The following SHPRH variants were observed in gnomAD, a reference collection of about 807,000 sequenced individuals.
The protein encoded by SHPRH is E3 ubiquitin-protein ligase SHPRH.
In SHPRH, 106 loss-of-function variants were observed where a neutral mutation model predicts 202.5. The ratio of observed to expected loss-of-function variants is 0.52; its 90% CI spans 0.45 to 0.62. SHPRH has a LOEUF of 0.62. Ranked by LOEUF, SHPRH falls within the 20% of genes least tolerant of loss-of-function variation. The pLI is 0.00. For synonymous variants in SHPRH, 729 were observed against 686.0 expected (o/e 1.06, Z -0.98); for missense variants, 1,710 against 2,020.0 (o/e 0.85, Z 2.94).
intron 29 of SHPRH, 69 bp from the exon 30 acceptor site, chr6:145,886,856 A>G (rs914140946): frequency 9.1e-5 from 139 of 1,524,334 alleles, no homozygotes; most frequent in Non-Finnish European, 1.2e-4. Context: ...ATTTGTAGTA[A>G]TACGAACTAG....
At chr6:145,927,066 AATC>A in intron 15 of SHPRH, 120 bp downstream of exon 15, 1 of 808,666 alleles carries the variant, frequency 1.2e-6, no homozygotes. Context: ...GAGAAGACTG[AATC>A]CCAAGTTTCA....
chr6:145,944,256 C>G (rs1328919858), intron 8 of SHPRH, among the ~76,000 whole-genome samples: 1 of 152,154 alleles, frequency 6.6e-6, no homozygotes, highest in Non-Finnish European at 1.5e-5. Context: ...CCCTTTTCTA[C>G]ATATGTCCTC....
chr6:145,936,655 G>T (rs558447413), intron 11 of SHPRH, among the ~76,000 whole-genome samples: 1 of 151,914 alleles, frequency 6.6e-6, no homozygotes, highest in Non-Finnish European at 1.5e-5. Context: ...TTTATGTACA[G>T]TTCAAATTTT....
chr6:145,930,875 T>C (rs1384570116), intron 14 of SHPRH, among the ~76,000 whole-genome samples: 1 of 152,198 alleles, frequency 6.6e-6, no homozygotes, highest in African/African-American at 2.4e-5. Context: ...TTTTTAGTAT[T>C]TATTTTGAAA....
intron 8 of SHPRH, among the ~76,000 whole-genome samples, chr6:145,944,652 T>A (rs568089559): frequency 2.2e-3 from 328 of 152,128 alleles, no homozygotes; most frequent in Non-Finnish European, 3.7e-3. Flanking sequence ...CTCCAGAAAA[T>A]AAATTTTTTG....
At chr6:145,926,369 G>A in intron 15 of SHPRH, 73 bp from the exon 16 acceptor site, 1 of 1,248,212 alleles carries the variant, frequency 8.0e-7, no homozygotes, top group Non-Finnish European at 1.2e-6. Context: ...ATATTAATAT[G>A]GCACACAGAA....
chr6:145,870,770 G>A (rs1031567719), intron 2 of SHPRH, among the ~76,000 whole-genome samples: 3 of 152,176 alleles, frequency 2.0e-5, no homozygotes, highest in Admixed American at 1.3e-4. Context: ...CATTAAATAT[G>A]ATGTTAGCTG....
intron 17 of SHPRH, among the ~76,000 whole-genome samples, chr6:145,924,046 C>G (rs1433658593): frequency 6.6e-6 from 1 of 151,870 alleles, no homozygotes; most frequent in African/African-American, 2.4e-5. Context: ...TATAACAAAG[C>G]TGTAACTAAA....
intron 14 of SHPRH, 84 bp downstream of exon 14, chr6:145,932,973 C>CA (rs397746518): frequency 2.7e-4 from 390 of 1,469,644 alleles, no homozygotes; most frequent in Non-Finnish European, 3.4e-4. Context: ...ATCCCCCCCC[C>CA]AAAAATCAAA....
chr6:145,959,368 T>TGTC (rs1788846701), intron 1 of SHPRH, among the ~76,000 whole-genome samples: 1 of 152,226 alleles, frequency 6.6e-6, no homozygotes, highest in African/African-American at 2.4e-5. Context: ...TGTTTAAATA[T>TGTC]ACAAATACTA....
intron 21 of SHPRH, 24 bp downstream of exon 21, chr6:145,921,143 G>C: frequency 6.4e-7 from 1 of 1,572,388 alleles, no homozygotes; most frequent in Non-Finnish European, 8.7e-7. Flanking sequence ...TTTAATTTTG[G>C]AAGGAAGTTT....
Position 145,929,311 on chromosome 6 carries a change from G to C in SHPRH, c.3113-2034C>G, listed in dbSNP as rs1379902147. On this transcript the variant is annotated intron_variant, in intron 14 of 29. Coordinates refer to ENST00000275233, the MANE Select transcript of SHPRH (RefSeq NM_001042683.3). ...TAATTTTCTCCGAAAATCATCTGCA[G>C]AAAACACAATGTTCAAAATTGGAAT... is the stretch of plus-strand genomic sequence containing the variant. 5.3e-5 allele frequency among the ~76,000 whole-genome samples: 8 copies of C among 152,010 alleles called. No homozygotes were observed. In the East Asian group the frequency reaches 1.5e-3, roughly 29 times the overall value.
At position 145,954,992 on chromosome 6, in the gene SHPRH, A is replaced by T. The variant is rs530997311; in HGVS notation, c.331T>A (p.Ser111Thr). ...AATTCTCCTAGAAATGCTTTCCAGG[A>T]ATTATCAAAATGATAGGGAGAAATC... is the stretch of plus-strand genomic sequence containing the variant. ...IVISPYHFDN[S>T]WKAFLGELTL... Residue 111 changes from serine to threonine, a missense_variant, in exon 2 of 30, where the codon TCC becomes ACC. By Grantham distance (58) the Ser-to-Thr change is moderately conservative. Transcript: ENST00000275233. The T allele has an allele frequency of 3.7e-6, 6 of 1,613,664 alleles. No homozygotes were observed. The African/African-American group carries it at 4.0e-5, about 11-fold the overall frequency.
Position 145,918,230 on chromosome 6 carries a change from T to C in SHPRH, c.4155A>G (p.Val1385=). The change falls in exon 23 of 30, where the codon GTA becomes GTG. Residue 1385 remains valine, a splice_region_variant and synonymous_variant. Coordinates refer to ENST00000275233, the MANE Select transcript of SHPRH (RefSeq NM_001042683.3). ...PVLHIIEPHE[V]EQNRIKLLND... ...TTAGTAGTTTTATTCGGTTTTGTTC[T>C]ACCTAAAGAAAATAAAAATAAAAAC... 6.5e-7 allele frequency: 1 copy of C among 1,531,610 alleles called. No individual in the cohort carries two copies. The highest frequency in any genetic ancestry group is 8.7e-7 in the Non-Finnish European group (1 of 1,144,918). The allele number at this position is 1,531,610 out of a possible 1,614,324, so 94.9% of individuals were successfully genotyped here.
rs1281563522 is a variant in SHPRH, at chr6:145,955,266, C to T, written c.57G>A (p.Gln19=). The T allele has an allele frequency of 6.2e-7, 1 of 1,611,786 alleles. No homozygotes were observed. Among genetic ancestry groups the T allele is most frequent in the Non-Finnish European group, 8.5e-7 (1 of 1,179,792 alleles). ...CCTCATGCATATTCCAATGAAGCTG[C>T]TGCCTCTTTTCCTCATCTACCCTCA... is the stretch of plus-strand genomic sequence containing the variant. ...PPVRVDEEKR[Q]QLHWNMHEDR... The change falls in exon 2 of 30, where the codon CAG becomes CAA. Residue 19 remains glutamine, a synonymous_variant. Transcript: ENST00000275233.
At chr6:145,894,381 C>CCATA in intron 26 of SHPRH, 145 bp from the exon 27 acceptor site, 1 of 492,530 alleles carries the variant, frequency 2.0e-6, no homozygotes, top group Non-Finnish European at 3.4e-6. Context: ...GTAGTACCAT[C>CCATA]CATATTATTT....
intron 21 of SHPRH, among the ~76,000 whole-genome samples, chr6:145,920,774 A>G (rs1454999638): frequency 6.6e-6 from 1 of 152,100 alleles, no homozygotes; most frequent in East Asian, 1.9e-4. Context: ...AACTTATAGG[A>G]TAAGAAGTAT....
chr6:145,859,020 T>A, the SHPRH span, among the ~76,000 whole-genome samples: 1 of 152,182 alleles, frequency 6.6e-6, no homozygotes, highest in South Asian at 2.1e-4. Flanking sequence ...AATGATAGTT[T>A]GATATTAACA....
At chr6:145,933,356 T>A in intron 13 of SHPRH, 178 bp from the exon 14 acceptor site, 1 of 860,984 alleles carries the variant, frequency 1.2e-6, no homozygotes, top group Non-Finnish European at 1.7e-6. Context: ...TACCTTTATT[T>A]GATCACATCC....
Sources: gnomAD v4.1 joint callset for allele counts (sites outside exome capture counted in the v4.1 genomes callset) on GRCh38, gnomAD v4.1.1 for gene constraint, MANE v1.5 for transcripts, NCBI Gene and HGNC (gene_info 2026-07-23, HGNC 2026-07-21) for gene names.